The following SETD7 variants were observed in gnomAD, a reference collection of about 807,000 sequenced individuals.
SETD7 encodes histone-lysine N-methyltransferase SETD7.
A neutral mutation model predicts 41.8 loss-of-function variants in SETD7; 16 were observed. That is an observed-to-expected ratio of 0.38 (90% CI 0.26 to 0.58). The LOEUF is 0.58. SETD7 is among the 20% of genes least tolerant of loss of function. SETD7 has a pLI of 0.64. For synonymous variants in SETD7, 163 were observed against 169.7 expected (o/e 0.96, Z 0.31); for missense variants, 346 against 459.7 (o/e 0.75, Z 2.26).
exon 8 of SETD7, chr4:139,496,063 C>CTACA (rs1726447430): frequency 4.0e-6 from 1 of 248,100 alleles, no homozygotes; most frequent in Non-Finnish European, 7.7e-6. Context: ...CTGGTTTTAT[C>CTACA]TACACCCACA....
chr4:139,542,041 G>A (rs1389276041), intron 2 of SETD7, among the ~76,000 whole-genome samples: 2 of 152,116 alleles, frequency 1.3e-5, no homozygotes, highest in African/African-American at 2.4e-5. Context: ...CGTACACAAT[G>A]GTATACTATT....
intron 5 of SETD7, 37 bp from the exon 6 acceptor site, chr4:139,520,431 G>A: frequency 8.2e-7 from 1 of 1,226,156 alleles, no homozygotes; most frequent in Non-Finnish European, 1.2e-6. Context: ...GACCTTTTCA[G>A]CTTAATATGT....
rs551268434 is a variant in SETD7 at position 139,527,130 on chromosome 4, A to G, written c.562+1901T>C. 2.1e-3 allele frequency among the ~76,000 whole-genome samples: 313 copies of G among 152,376 alleles called. 1 individual carries two copies. The highest frequency in any genetic ancestry group is 7.2e-3 in the African/African-American group (298 of 41,594). Reference sequence around the variant, plus strand: ...CACCTAGGCTATTAATAAATGGTACAGCCTATTGCCCCTAGGCTCCAAACC... The same window carrying G: ...CACCTAGGCTATTAATAAATGGTACGGCCTATTGCCCCTAGGCTCCAAACC... On this transcript the variant is annotated intron_variant, in intron 4 of 7. Coordinates refer to ENST00000274031, the MANE Select transcript of SETD7 (RefSeq NM_030648.4).
intron 3 of SETD7, among the ~76,000 whole-genome samples, 186 bp from the exon 4 acceptor site, chr4:139,529,406 T>G (rs1370384909): frequency 6.6e-6 from 1 of 152,202 alleles, no homozygotes; most frequent in Non-Finnish European, 1.5e-5. Context: ...TCCAGCTCCA[T>G]ACAAATATAC....
chr4:139,537,134 C>A (rs911687864), intron 2 of SETD7, among the ~76,000 whole-genome samples: 1 of 152,098 alleles, frequency 6.6e-6, no homozygotes, highest in African/African-American at 2.4e-5. Flanking sequence ...CGCCAACACG[C>A]CCAGCTAATT....
At chr4:139,531,312 T>C (rs1365436089) in intron 3 of SETD7, among the ~76,000 whole-genome samples, 1 of 152,238 alleles carries the variant, frequency 6.6e-6, no homozygotes, top group Non-Finnish European at 1.5e-5. Flanking sequence ...TTTCATTGAC[T>C]ATGTCACAAG....
intron 7 of SETD7, 63 bp from the exon 8 acceptor site, chr4:139,511,906 G>A: frequency 6.5e-7 from 1 of 1,545,304 alleles, no homozygotes; most frequent in East Asian, 2.3e-5. Context: ...GCAAAGGCTA[G>A]GGAGGGGCTG....
rs572212305 is a variant in SETD7, at chr4:139,550,370, A to G, written c.41-3321T>C. ...GATTGCTGGTTGTGAGAGAATTCTG[A>G]AATCTATTCGACGACAGCAGGAGCC... On this transcript the variant is annotated intron_variant, in intron 1 of 7. Coordinates refer to ENST00000274031, the MANE Select transcript of SETD7 (RefSeq NM_030648.4). Among the ~76,000 whole-genome samples, 23 of 152,306 alleles carry G rather than the reference A, an allele frequency of 1.5e-4. No individual in the cohort carries two copies. The South Asian group carries it at 2.5e-3, about 16-fold the overall frequency.
intron 5 of SETD7, among the ~76,000 whole-genome samples, chr4:139,522,360 G>A (rs1727200395): frequency 1.3e-5 from 2 of 152,198 alleles, no homozygotes. Context: ...GAATCCCAGA[G>A]AGGGTACCAG....
At chr4:139,502,395 G>C (rs1726599241), downstream of SETD7, among the ~76,000 whole-genome samples, 1 of 152,140 alleles carries the variant, frequency 6.6e-6, no homozygotes, top group African/African-American at 2.4e-5. Flanking sequence ...TAAGTGGGGT[G>C]GTCAATGAAG....
intron 2 of SETD7, among the ~76,000 whole-genome samples, chr4:139,533,792 T>C (rs1021194394): frequency 1.3e-5 from 2 of 152,198 alleles, no homozygotes; most frequent in African/African-American, 4.8e-5. Context: ...GGCTTGTATA[T>C]AGTAATCTCT....
At chr4:139,529,707 G>A (rs1727429453) in intron 3 of SETD7, among the ~76,000 whole-genome samples, 1 of 152,136 alleles carries the variant, frequency 6.6e-6, no homozygotes, top group African/African-American at 2.4e-5. Flanking sequence ...TAGTGTGTTA[G>A]GAAAATATTC....
Position 139,506,374 on chromosome 4 carries a change from T to C in SETD7, c.*5289A>G, listed in dbSNP as rs2111114004. On this transcript the variant is annotated 3_prime_UTR_variant, in exon 8 of 8. Transcript: ENST00000274031. ...GTTAACTTTTGGTTGCAATAAATGC[T>C]GAAAGCATACCCCTGGCTTCTACTT... is the stretch of plus-strand genomic sequence containing the variant. 6.5e-6 allele frequency: 1 copy of C among 152,804 alleles called. No individual in the cohort carries two copies. Among genetic ancestry groups the C allele is most frequent in the South Asian group, 2.1e-4 (1 of 4,832 alleles). The allele number at this position is 152,804 out of a possible 1,614,324, so 9.5% of individuals were successfully genotyped here.
rs144135659 is a variant in SETD7, at chr4:139,520,423, C to T, written c.645-29G>A. 2.6e-4 allele frequency: 348 copies of T among 1,322,742 alleles called. 1 individual carries two copies. In the African/African-American group the frequency reaches 4.5e-3, roughly 17 times the overall value. The allele number at this position is 1,322,742 out of a possible 1,614,324, so 81.9% of individuals were successfully genotyped here. ...AATTGAAAAAAGAGTTGAATAGTGA[C>T]CTTTTCAGCTTAATATGTCATTCCT... On this transcript the variant is annotated intron_variant, in intron 5 of 7. Coordinates refer to ENST00000274031, the MANE Select transcript of SETD7 (RefSeq NM_030648.4).
chr4:139,554,330 T>C (rs1728197461), intron 1 of SETD7, among the ~76,000 whole-genome samples: 1 of 152,224 alleles, frequency 6.6e-6, no homozygotes, highest in African/African-American at 2.4e-5. Flanking sequence ...CAAAGGAGCC[T>C]GAGGACTATG....
chr4:139,539,932 G>T (rs1231891293), intron 2 of SETD7, among the ~76,000 whole-genome samples: 1 of 152,172 alleles, frequency 6.6e-6, no homozygotes, highest in Admixed American at 6.5e-5. Context: ...CTGCTGCCCT[G>T]ATCTTGGACT....
In SETD7 at chr4:139,532,950, A is replaced by C. The variant is rs141056790; in HGVS notation, c.372+215T>G. On this transcript the variant is annotated intron_variant, in intron 3 of 7. Coordinates refer to ENST00000274031, the MANE Select transcript of SETD7 (RefSeq NM_030648.4). ...TGATTAATTACTCCTTTCCAAAACA[A>C]CGCTGAAAAATAATTAATAACGGAT... The C allele has an allele frequency of 6.3e-5, 37 of 588,996 alleles. No homozygotes were observed. In the East Asian group the frequency reaches 6.4e-4, roughly 10 times the overall value. The allele number at this position is 588,996 out of a possible 1,614,324, so 36.5% of individuals were successfully genotyped here. A position where few individuals can be genotyped will look rare whatever the true frequency, so the allele number is the denominator to read the frequency against.
Position 139,547,104 on chromosome 4 carries a change from T to C in SETD7, c.41-55A>G, listed in dbSNP as rs1329468024. On this transcript the variant is annotated intron_variant, in intron 1 of 7. Coordinates refer to ENST00000274031, the MANE Select transcript of SETD7 (RefSeq NM_030648.4). ...TAACATCTTCAGTGCTCCTCCCATC[T>C]GACGTCTAAGCATTCAGATGCTGCC... is the stretch of plus-strand genomic sequence containing the variant. 4 of 1,599,344 alleles carry C rather than the reference T, an allele frequency of 2.5e-6. No homozygotes were observed. The African/African-American group carries it at 5.4e-5, about 22-fold the overall frequency.
intron 1 of SETD7, among the ~76,000 whole-genome samples, chr4:139,553,522 T>C (rs1042429055): frequency 6.6e-6 from 1 of 152,332 alleles, no homozygotes; most frequent in East Asian, 1.9e-4. Flanking sequence ...CAGTTTGGTC[T>C]GGTGGAGGGC....
Sources: allele counts gnomAD v4.1 joint callset (sites outside exome capture counted in the v4.1 genomes callset), GRCh38; gene constraint gnomAD v4.1.1; transcripts MANE v1.5; gene names NCBI Gene and HGNC (gene_info 2026-07-23, HGNC 2026-07-21).